The following HPCAL1 variants were observed in gnomAD, a reference collection of about 807,000 sequenced individuals.
HPCAL1 encodes hippocalcin like 1.
A neutral mutation model predicts 17.1 loss-of-function variants in HPCAL1; 8 were observed. That is an observed-to-expected ratio of 0.47 (90% CI 0.27 to 0.84). The LOEUF (loss-of-function observed/expected upper bound fraction) is 0.84, where lower values mean the gene tolerates loss of function less well. Among genes scored for constraint, HPCAL1 ranks in the 40% least tolerant of loss-of-function variants. The pLI, the probability that HPCAL1 is intolerant of heterozygous loss-of-function variation, is 0.13. For synonymous variants in HPCAL1, 112 were observed against 111.4 expected, an observed-to-expected ratio of 1.01 and a Z score of -0.03; for missense variants, 165 against 271.1, an observed-to-expected ratio of 0.61 and a Z score of 2.75.
At chr2:10,316,475 C>T (rs1663319781) in intron 1 of HPCAL1, among the ~76,000 whole-genome samples, 1 of 152,150 alleles carries the variant, frequency 6.6e-6, no homozygotes, top group Non-Finnish European at 1.5e-5. Context: ...TCTTTGCTGG[C>T]TGGTAAGCAG....
rs1023613712 is a variant in HPCAL1, at chr2:10,359,051, T to C, written c.-110-37784T>C. On this transcript the variant is annotated intron_variant, in intron 1 of 4. Coordinates refer to ENST00000307845, the MANE Select transcript of HPCAL1 (RefSeq NM_002149.4). The surrounding 1 kb of genome is among the most constrained non-coding windows in gnomAD (Gnocchi z 4.1). The stretch of plus-strand genomic sequence containing the variant: ...CCCCTTGAGGTTTGACCCGTCTGCA[T>C]GCTCCCCTCGAGGTTTGACCCGTCT... Among the ~76,000 whole-genome samples the C allele has an allele frequency of 6.6e-6, 1 of 151,934 alleles. No individual in the cohort carries two copies. Among genetic ancestry groups the C allele is most frequent in the African/African-American group, 2.4e-5 (1 of 41,348 alleles).
Position 10,363,491 on chromosome 2 carries a change from T to C in HPCAL1, c.-110-33344T>C, listed in dbSNP as rs1479979137. On this transcript the variant is annotated intron_variant, in intron 1 of 4. Transcript: ENST00000307845. The surrounding 1 kb of genome is among the most constrained non-coding windows in gnomAD (Gnocchi z 4.7). ...GCGACCTTTCGGGATGCCTCTTACA[T>C]AGTCCTGCCTATACCCTCTACACGT... Among the ~76,000 whole-genome samples the C allele has an allele frequency of 6.6e-6, 1 of 152,226 alleles. No homozygotes were observed. The highest frequency in any genetic ancestry group is 1.5e-5 in the Non-Finnish European group (1 of 68,036).
Position 10,377,427 on chromosome 2 carries a change from C to T in HPCAL1, c.-110-19408C>T, listed in dbSNP as rs1667639052. 6.6e-6 allele frequency among the ~76,000 whole-genome samples: 1 copy of T among 152,216 alleles called. No individual in the cohort carries two copies. Among genetic ancestry groups the T allele is most frequent in the African/African-American group, 2.4e-5 (1 of 41,458 alleles). On this transcript the variant is annotated intron_variant, in intron 1 of 4. Coordinates refer to ENST00000307845, the MANE Select transcript of HPCAL1 (RefSeq NM_002149.4). This position sits in a 1 kb window ranked among gnomAD's most constrained non-coding sequence, Gnocchi z 5.9. ...CTGCTCAACTCTGTGGACACCAGTA[C>T]AGTCAACAACTCTCACTCGCCGCGG... is the stretch of plus-strand genomic sequence containing the variant.
chr2:10,412,051 G>A (rs1017313512), intron 2 of HPCAL1, among the ~76,000 whole-genome samples: 1 of 152,228 alleles, frequency 6.6e-6, no homozygotes, highest in African/African-American at 2.4e-5. Context: ...GCTAATTGCT[G>A]TAAGAAGCAA....
chr2:10,414,233 C>T (rs1051432358), intron 2 of HPCAL1, among the ~76,000 whole-genome samples: 3 of 152,214 alleles, frequency 2.0e-5, no homozygotes, highest in Non-Finnish European at 4.4e-5. Flanking sequence ...CCAGAGACAC[C>T]GATAACACAT....
chr2:10,333,866 C>T (rs949488553), intron 1 of HPCAL1, among the ~76,000 whole-genome samples: 1 of 152,182 alleles, frequency 6.6e-6, no homozygotes, highest in African/African-American at 2.4e-5. Context: ...TCAAGAACAT[C>T]AACCTGTAAA....
chr2:10,339,449 C>T (rs951756268), intron 1 of HPCAL1, among the ~76,000 whole-genome samples: 2 of 152,158 alleles, frequency 1.3e-5, no homozygotes, highest in Non-Finnish European at 2.9e-5. Flanking sequence ...GGATTACAGG[C>T]ACATGCCACC....
chr2:10,398,309 CA>C (rs1342818660), intron 2 of HPCAL1, among the ~76,000 whole-genome samples: 1 of 152,254 alleles, frequency 6.6e-6, no homozygotes, highest in African/African-American at 2.4e-5. Context: ...TCCAAGTCCT[CA>C]TACAAAGTCG....
chr2:10,379,375 G>A (rs1049372790), intron 1 of HPCAL1, among the ~76,000 whole-genome samples: 1 of 151,604 alleles, frequency 6.6e-6, no homozygotes, highest in African/African-American at 2.4e-5. Flanking sequence ...ACACCCCATG[G>A]GTGTGGCCCA....
At position 10,359,643 on chromosome 2, in the gene HPCAL1, C is replaced by T. The variant is rs529738080; in HGVS notation, c.-110-37192C>T. On this transcript the variant is annotated intron_variant, in intron 1 of 4. Coordinates refer to ENST00000307845, the MANE Select transcript of HPCAL1 (RefSeq NM_002149.4). This position sits in a 1 kb window ranked among gnomAD's most constrained non-coding sequence, Gnocchi z 4.1. ...CCCATCAGGACCAAGCTCTGGTGGC[C>T]TTCCAGGCCCACTCAGTGGCTGGCG... 4.6e-5 allele frequency among the ~76,000 whole-genome samples: 7 copies of T among 152,342 alleles called. No homozygotes were observed. In the South Asian group the frequency reaches 1.4e-3, roughly 32 times the overall value.
At chr2:10,409,447 T>G (rs1670189585) in intron 2 of HPCAL1, among the ~76,000 whole-genome samples, 2 of 152,196 alleles carry the variant, frequency 1.3e-5, no homozygotes, top group South Asian at 4.1e-4. Flanking sequence ...ACCGGGAAGC[T>G]AAGGCTGCAG....
At chr2:10,379,232 C>T (rs1268541823) in intron 1 of HPCAL1, among the ~76,000 whole-genome samples, 1 of 151,908 alleles carries the variant, frequency 6.6e-6, no homozygotes, top group Non-Finnish European at 1.5e-5. Context: ...GAAGTCCAGC[C>T]TTGCAGCTTT....
chr2:10,345,133 G>GTCTCTGTTTCTGTCTGTCTTGCTC (rs1665342940), intron 1 of HPCAL1, among the ~76,000 whole-genome samples: 2 of 151,712 alleles, frequency 1.3e-5, no homozygotes, highest in Non-Finnish European at 2.9e-5. Context: ...GTATGTGTCT[G>GTCTCTGTTTCTGTCTGTCTTGCTC]TCTCTGTTTC....
chr2:10,426,413 C>T (rs746997121), intron 4 of HPCAL1: 1 of 352,332 alleles, frequency 2.8e-6, no homozygotes, highest in Non-Finnish European at 5.4e-6. Flanking sequence ...ACAGTGTACA[C>T]GTTCCTTAAT....
intron 1 of HPCAL1, among the ~76,000 whole-genome samples, chr2:10,311,700 C>T (rs1662969434): frequency 1.3e-5 from 2 of 152,042 alleles, no homozygotes; most frequent in Admixed American, 1.3e-4. Flanking sequence ...CTCACTGTGG[C>T]CTGTAGCTCC....
intron 1 of HPCAL1, among the ~76,000 whole-genome samples, chr2:10,351,223 G>A (rs753439571): frequency 6.6e-6 from 1 of 152,358 alleles, no homozygotes; most frequent in Non-Finnish European, 1.5e-5. Flanking sequence ...TCACTGAGCA[G>A]TAAAAGGAAT....
At chr2:10,324,421 A>G (rs1235634311) in intron 1 of HPCAL1, 2 of 152,256 alleles carry the variant, frequency 1.3e-5, no homozygotes, top group East Asian at 3.8e-4. Context: ...GGGTTCAGCC[A>G]GAACTACCAG....
chr2:10,319,779 A>G (rs1663556801), intron 1 of HPCAL1, among the ~76,000 whole-genome samples: 2 of 151,520 alleles, frequency 1.3e-5, no homozygotes, highest in East Asian at 2.0e-4. Flanking sequence ...CGTGTCTACT[A>G]TGTGCCAGTC....
At chr2:10,346,072 CTGTG>C (rs141960155) in intron 1 of HPCAL1, among the ~76,000 whole-genome samples, 1 of 151,030 alleles carries the variant, frequency 6.6e-6, no homozygotes, top group African/African-American at 2.4e-5. Context: ...GAGAGCCAGG[CTGTG>C]TGTGTGTGTG....
Sources: allele counts gnomAD v4.1 joint callset (sites outside exome capture counted in the v4.1 genomes callset), GRCh38; gene constraint gnomAD v4.1.1; non-coding constraint Gnocchi (gnomAD v3.1); transcripts MANE v1.5; gene names NCBI Gene and HGNC (gene_info 2026-07-23, HGNC 2026-07-21).